SSPN: variants seen among roughly 807,000 people sequenced by gnomAD.
The protein encoded by SSPN is sarcospan.
A neutral mutation model predicts 19.1 loss-of-function variants in SSPN; 15 were observed. The observed-to-expected ratio is 0.78, with a 90% CI of 0.52 to 1.21. The LOEUF (loss-of-function observed/expected upper bound fraction) is 1.21, where lower values mean the gene tolerates loss of function less well. Ranked by LOEUF, SSPN falls within the 50% of genes most tolerant of loss-of-function variation. The probability of loss-of-function intolerance (pLI) is 0.00; values close to 1 mark genes in which losing one functional copy is unlikely to be tolerated. For missense variants in SSPN, 291 were observed against 314.0 expected (o/e 0.93, Z 0.55); for synonymous variants, 147 against 140.3 (o/e 1.05, Z -0.34).
intron 1 of SSPN, among the ~76,000 whole-genome samples, chr12:26,155,114 A>G (rs931511216): frequency 1.3e-5 from 2 of 152,242 alleles, no homozygotes; most frequent in African/African-American, 4.8e-5. Flanking sequence ...TTCTATGAAT[A>G]TCAAATGAGA....
intron 1 of SSPN, among the ~76,000 whole-genome samples, chr12:26,136,164 T>C (rs1944423864): frequency 6.6e-6 from 1 of 152,206 alleles, no homozygotes. Context: ...ATAAGTAATC[T>C]AGAGATGTTT....
intron 1 of SSPN, among the ~76,000 whole-genome samples, chr12:26,139,821 T>C (rs368464065): frequency 2.5e-4 from 38 of 152,366 alleles, no homozygotes; most frequent in African/African-American, 8.9e-4. Context: ...TTTTATAACT[T>C]AATTCGTCAT....
chr12:26,176,205 G>C (rs1239231257), intron 1 of SSPN, among the ~76,000 whole-genome samples: 3 of 152,132 alleles, frequency 2.0e-5, no homozygotes, highest in South Asian at 2.1e-4. Context: ...CTCGGTTTCT[G>C]TCTGTCTCTC....
chr12:26,173,240 G>C (rs1944663995), intron 1 of SSPN, among the ~76,000 whole-genome samples: 1 of 152,134 alleles, frequency 6.6e-6, no homozygotes, highest in Non-Finnish European at 1.5e-5. Context: ...CCTTTCTTTA[G>C]AAAAGAGCGT....
rs147227061 is a variant in SSPN at position 26,206,559 on chromosome 12, T to G, written c.279+10608T>G. ...CTGCAGTCATTTCTAGAATGGGACC[T>G]AATTTGAGAACTGACTTAATTATGG... On this transcript the variant is annotated intron_variant, in intron 1 of 2. Coordinates refer to ENST00000242729, the MANE Select transcript of SSPN (RefSeq NM_005086.5). 5.4e-4 allele frequency among the ~76,000 whole-genome samples: 83 copies of G among 152,304 alleles called. 2 individuals carry two copies. The East Asian group carries it at 0.013, about 24-fold the overall frequency.
chr12:26,217,348 G>A lies in SSPN; in HGVS notation c.280-6945G>A, dbSNP rs1395097517. Among the ~76,000 whole-genome samples the A allele has an allele frequency of 1.6e-4, 21 of 132,442 alleles. No homozygotes were observed. In the East Asian group the frequency reaches 4.2e-3, roughly 27 times the overall value. 86.9% of individuals were successfully genotyped at this position (132,442 alleles called of 152,430 possible). A position where few individuals can be genotyped will look rare whatever the true frequency, so the allele number is the denominator to read the frequency against. ...TTCTCTTTGAAGCAATTGTGAATGG[G>A]AGTTCACTCATGATTTGGCTCTCTG... On this transcript the variant is annotated intron_variant, in intron 1 of 2. Transcript: ENST00000242729.
At chr12:26,171,372 G>A (rs1026672765) in intron 1 of SSPN, among the ~76,000 whole-genome samples, 10 of 152,162 alleles carry the variant, frequency 6.6e-5, no homozygotes, top group Non-Finnish European at 1.0e-4. Flanking sequence ...TTGAACAACC[G>A]TTCTCAAACA....
intron 1 of SSPN, chr12:26,124,176 T>C: frequency 6.3e-7 from 1 of 1,576,300 alleles, no homozygotes; most frequent in Non-Finnish European, 8.7e-7. Flanking sequence ...AATTTGTAGG[T>C]ATCCTTAATA....
intron 1 of SSPN, among the ~76,000 whole-genome samples, chr12:26,165,064 C>G (rs1481086889): frequency 6.6e-6 from 1 of 152,068 alleles, no homozygotes; most frequent in Non-Finnish European, 1.5e-5. Context: ...ATGCTTAGAG[C>G]ATTTTTTAAT....
At chr12:26,145,627 G>A (rs1352639104) in intron 1 of SSPN, among the ~76,000 whole-genome samples, 2 of 152,336 alleles carry the variant, frequency 1.3e-5, no homozygotes, top group East Asian at 3.9e-4. Context: ...CCAAGGCTCA[G>A]TCTTGGTTTT....
rs570815050 is a variant in SSPN, at chr12:26,198,233, G to C, written c.279+2282G>C. Among the ~76,000 whole-genome samples, 6 of 152,152 alleles carry C rather than the reference G, an allele frequency of 3.9e-5. No individual in the cohort carries two copies. The East Asian group carries it at 1.2e-3, about 29-fold the overall frequency. On this transcript the variant is annotated intron_variant, in intron 1 of 2. Transcript: ENST00000242729. ...GGCTAGAATGCAGTGGCACGATTTT[G>C]GTTCACTGCAACCTCCCCCTCCCAG...
At chr12:26,133,376 C>T (rs765718666) in intron 1 of SSPN, among the ~76,000 whole-genome samples, 4 of 152,184 alleles carry the variant, frequency 2.6e-5, no homozygotes, top group Non-Finnish European at 4.4e-5. Context: ...ACTCCATCCC[C>T]CTTTCATCCT....
intron 1 of SSPN, 94 bp from the exon 2 acceptor site, chr12:26,224,199 C>A: frequency 1.2e-6 from 1 of 852,126 alleles, no homozygotes; most frequent in Admixed American, 1.9e-5. Flanking sequence ...AGCTTTATAA[C>A]ATGGATGTGA....
intron 1 of SSPN, chr12:26,125,870 A>G (rs1023552243): frequency 1.3e-5 from 2 of 152,224 alleles, no homozygotes; most frequent in African/African-American, 4.8e-5. Flanking sequence ...TGCAGCATTT[A>G]TCACCCGCCC....
chr12:26,142,566 G>GT (rs1944467095), intron 1 of SSPN, among the ~76,000 whole-genome samples: 1 of 152,188 alleles, frequency 6.6e-6, no homozygotes, highest in African/African-American at 2.4e-5. Flanking sequence ...ACTGTGACAA[G>GT]TTTGTGACGT....
chr12:26,161,853 A>G (rs1256626301), intron 1 of SSPN, among the ~76,000 whole-genome samples: 4 of 152,178 alleles, frequency 2.6e-5, no homozygotes, highest in Admixed American at 2.0e-4. Flanking sequence ...TCATGGTCCT[A>G]TGAGAATCTA....
chr12:26,123,909 C>A, intron 1 of SSPN: 1 of 739,850 alleles, frequency 1.4e-6, no homozygotes, highest in Non-Finnish European at 2.4e-6. Context: ...TTCTTGCCTT[C>A]AGCTGGGAGC....
At chr12:26,169,551 C>T (rs1048212121) in intron 1 of SSPN, among the ~76,000 whole-genome samples, 11 of 151,252 alleles carry the variant, frequency 7.3e-5, no homozygotes, top group Admixed American at 6.6e-4. Flanking sequence ...CCATCAGCTA[C>T]CAAGAGTAAG....
At chr12:26,157,995 A>G (rs1182523553) in intron 1 of SSPN, among the ~76,000 whole-genome samples, 1 of 151,762 alleles carries the variant, frequency 6.6e-6, no homozygotes, top group Admixed American at 6.6e-5. Context: ...AGAAGCAATT[A>G]CTTTTGTCTT....
Sources: allele counts gnomAD v4.1 joint callset (sites outside exome capture counted in the v4.1 genomes callset), GRCh38; gene constraint gnomAD v4.1.1; transcripts MANE v1.5; gene names NCBI Gene and HGNC (gene_info 2026-07-23, HGNC 2026-07-21).